The following PRKD3 variants were observed in gnomAD, a reference collection of about 807,000 sequenced individuals.
The protein encoded by PRKD3 is serine/threonine-protein kinase D3.
A neutral mutation model predicts 99.2 loss-of-function variants in PRKD3; 47 were observed. The observed-to-expected ratio is 0.47, with a 90% CI of 0.38 to 0.60. PRKD3 has a LOEUF of 0.60. Ranked by LOEUF, PRKD3 falls within the 20% of genes least tolerant of loss-of-function variation. PRKD3 has a pLI of 0.00. For missense variants in PRKD3, 1,019 were observed against 1,088.4 expected (o/e 0.94, Z 0.90); for synonymous variants, 392 against 355.4 (o/e 1.10, Z -1.16).
chr2:37,305,453 G>A (rs532242791), intron 2 of PRKD3, among the ~76,000 whole-genome samples: 12 of 152,274 alleles, frequency 7.9e-5, no homozygotes, highest in Non-Finnish European at 1.2e-4. Flanking sequence ...TATCTACTAT[G>A]TTCATTCAAC....
intron 17 of PRKD3, among the ~76,000 whole-genome samples, chr2:37,255,802 T>C (rs1042028008): frequency 7.2e-5 from 11 of 152,178 alleles, no homozygotes; most frequent in African/African-American, 2.4e-4. Flanking sequence ...GTGCAAGAGT[T>C]TGACACCAGC....
At chr2:37,321,188 C>T (rs1249175260) in intron 1 of PRKD3, among the ~76,000 whole-genome samples, 2 of 151,972 alleles carry the variant, frequency 1.3e-5, no homozygotes, top group Non-Finnish European at 2.9e-5. Flanking sequence ...AACAGGGGTA[C>T]GAGGCTCTAA....
Position 37,254,315 on chromosome 2 carries a change from C to G in PRKD3, c.2414-26G>C, listed in dbSNP as rs983714519. 3 of 1,587,074 alleles carry G rather than the reference C, an allele frequency of 1.9e-6. No individual in the cohort carries two copies. In the African/African-American group the frequency reaches 4.0e-5, roughly 21 times the overall value. ...CTAAGGGAAAAGACAAAACAAGATACATGAATTTGGGTGCACAGAGTACCC... is the reference window on the plus strand; with the variant it reads ...CTAAGGGAAAAGACAAAACAAGATAGATGAATTTGGGTGCACAGAGTACCC... On this transcript the variant is annotated intron_variant, in intron 17 of 18. Coordinates refer to ENST00000234179, the MANE Select transcript of PRKD3 (RefSeq NM_005813.6).
intron 8 of PRKD3, chr2:37,279,195 G>C (rs1470962528): frequency 6.6e-6 from 1 of 152,026 alleles, no homozygotes; most frequent in African/African-American, 2.4e-5. Context: ...TATCATTTAG[G>C]CTACAAAAAT....
In PRKD3 at chr2:37,324,789, G is replaced by GCCCCTTCCTCCCTCCCTCCCCGTCC. The variant is rs1672054960; in HGVS notation, c.-789_-765dup. The GCCCCTTCCTCCCTCCCTCCCCGTCC allele has an allele frequency of 2.7e-5, 4 of 150,876 alleles. No individual in the cohort carries two copies. The highest frequency in any genetic ancestry group is 4.4e-5 in the Non-Finnish European group (3 of 67,482). 9.3% of individuals were successfully genotyped at this position (150,876 alleles called of 1,614,324 possible). ...TCGCAGGATCCCGCCCGCCTCCGGC[G>GCCCCTTCCTCCCTCCCTCCCCGTCC]CCCCTTCCTCCCTCCCTCCCCGTCC... On this transcript the variant is annotated 5_prime_UTR_variant, in exon 1 of 19. Coordinates refer to ENST00000234179, the MANE Select transcript of PRKD3 (RefSeq NM_005813.6).
Position 37,253,087 on chromosome 2 carries a change from A to G in PRKD3, c.*90T>C, listed in dbSNP as rs1667643650. The G allele has an allele frequency of 7.8e-7, 1 of 1,282,426 alleles. No individual in the cohort carries two copies. Among genetic ancestry groups the G allele is most frequent in the East Asian group, 2.4e-5 (1 of 42,542 alleles). 79.4% of individuals were successfully genotyped at this position (1,282,426 alleles called of 1,614,324 possible). A position where few individuals can be genotyped will look rare whatever the true frequency, so the allele number is the denominator to read the frequency against. On this transcript the variant is annotated 3_prime_UTR_variant, in exon 19 of 19. Transcript: ENST00000234179. ...TCATATTTCTTCATATCTTTGCAGC[A>G]CTGCAGATGACAATCTACAAAGAAC...
chr2:37,314,425 C>G (rs1671573011), intron 2 of PRKD3, among the ~76,000 whole-genome samples: 1 of 152,160 alleles, frequency 6.6e-6, no homozygotes, highest in Non-Finnish European at 1.5e-5. Flanking sequence ...GATTTTTAAT[C>G]TGGTTCTCCA....
intron 2 of PRKD3, among the ~76,000 whole-genome samples, chr2:37,295,812 A>T (rs1670649629): frequency 6.6e-6 from 1 of 152,216 alleles, no homozygotes; most frequent in South Asian, 2.1e-4. Context: ...CAAGGCAGGA[A>T]CATGATTAAA....
chr2:37,255,901 C>T (rs1333298250), intron 17 of PRKD3, among the ~76,000 whole-genome samples: 1 of 152,034 alleles, frequency 6.6e-6, no homozygotes, highest in Non-Finnish European at 1.5e-5. Flanking sequence ...ATCATCCCAC[C>T]TAGTCAGGAG....
rs1297963410 is a variant in PRKD3, at chr2:37,277,983, T to C, written c.1179A>G (p.Ser393=). Residue 393 remains serine, a synonymous_variant, in exon 9 of 19, where the codon TCA becomes TCG. Transcript: ENST00000234179. ...DEEAVKTISP[S]TSNNIPLMRV... ...TCATTAGCGGAATATTATTGCTTGT[T>C]GATGGACTAAAAAATATTTAAAATT... The C allele has an allele frequency of 6.3e-7, 1 of 1,598,286 alleles. No homozygotes were observed. The highest frequency in any genetic ancestry group is 1.3e-5 in the African/African-American group (1 of 74,398).
At chr2:37,287,196 C>G (rs529782491) in intron 5 of PRKD3, among the ~76,000 whole-genome samples, 1 of 120,178 alleles carries the variant, frequency 8.3e-6, no homozygotes, top group East Asian at 2.8e-4. Flanking sequence ...TGCCATTGGA[C>G]TCCAGCCTGG....
At position 37,316,642 on chromosome 2, in the gene PRKD3, C is replaced by A; in HGVS notation, c.-118G>T. The A allele has an allele frequency of 6.8e-7, 1 of 1,472,684 alleles. No homozygotes were observed. Among genetic ancestry groups the A allele is most frequent in the Non-Finnish European group, 8.9e-7 (1 of 1,120,116 alleles). The allele number at this position is 1,472,684 out of a possible 1,614,324, so 91.2% of individuals were successfully genotyped here. The stretch of plus-strand genomic sequence containing the variant: ...CACTTTTGGATTTAGTTGAAAACTT[C>A]TTTATTTCCTCTGTTAAGCCACTCA... On this transcript the variant is annotated 5_prime_UTR_variant, in exon 2 of 19. Coordinates refer to ENST00000234179, the MANE Select transcript of PRKD3 (RefSeq NM_005813.6).
intron 1 of PRKD3, among the ~76,000 whole-genome samples, chr2:37,323,062 C>T (rs1254443726): frequency 2.0e-4 from 30 of 149,870 alleles, no homozygotes; most frequent in Admixed American, 1.9e-3. Flanking sequence ...GTTTTCAATT[C>T]GTAATTTAAA....
intron 2 of PRKD3, among the ~76,000 whole-genome samples, chr2:37,307,158 A>G (rs114676115): frequency 1.9e-3 from 283 of 152,310 alleles, no homozygotes; most frequent in Non-Finnish European, 3.0e-3. Flanking sequence ...GACATTGCCA[A>G]ATGTTCCCAG....
rs767660133 is a variant in PRKD3, at chr2:37,256,701, T to C, written c.2374A>G (p.Met792Val). 6.0e-6 allele frequency: 9 copies of C among 1,500,668 alleles called. No individual in the cohort carries two copies. Among genetic ancestry groups the C allele is most frequent in the Admixed American group, 3.6e-5 (2 of 55,276 alleles). 93.0% of individuals were successfully genotyped at this position (1,500,668 alleles called of 1,614,324 possible). A position where few individuals can be genotyped will look rare whatever the true frequency, so the allele number is the denominator to read the frequency against. ...TCTCTCCATGGATTTGGTGGGTACA[T>C]AAATGCAGCATTTTGGATTTGGTCA... ...INDQIQNAAFMYPPNPWREIS... is the reference protein window; with the variant it reads ...INDQIQNAAFVYPPNPWREIS... The change falls in exon 17 of 19, where the codon ATG becomes GTG. Residue 792 changes from methionine (M) to valine (V), a missense_variant. Coordinates refer to ENST00000234179, the MANE Select transcript of PRKD3 (RefSeq NM_005813.6).
intron 2 of PRKD3, among the ~76,000 whole-genome samples, chr2:37,302,174 A>G (rs1364522038): frequency 6.6e-6 from 1 of 152,228 alleles, no homozygotes; most frequent in Non-Finnish European, 1.5e-5. Context: ...AATTAAAGAA[A>G]TAACTAATGA....
At chr2:37,313,551 CTAAAAAGCATACCCAACTA>C (rs1303762910) in intron 2 of PRKD3, among the ~76,000 whole-genome samples, 1 of 152,096 alleles carries the variant, frequency 6.6e-6, no homozygotes, top group African/African-American at 2.4e-5. Flanking sequence ...CAGAGTGAAT[CTAAAAAGCATACCCAACTA>C]TTAATACATG....
chr2:37,254,514 G>T (rs1167331178), intron 17 of PRKD3, among the ~76,000 whole-genome samples: 1 of 152,156 alleles, frequency 6.6e-6, no homozygotes, highest in Non-Finnish European at 1.5e-5. Flanking sequence ...ATAGAGTACA[G>T]GTTAAAGTAT....
rs377289990 is a variant in PRKD3, at chr2:37,281,948, C to T, written c.988+594G>A. On this transcript the variant is annotated intron_variant, in intron 7 of 18. Coordinates refer to ENST00000234179, the MANE Select transcript of PRKD3 (RefSeq NM_005813.6). Reference sequence around the variant, plus strand: ...TATCTTGAAAAGAAAAAAAAAGACCCCAAAGGGAAAATGGACAACGATTAT... The same window carrying T: ...TATCTTGAAAAGAAAAAAAAAGACCTCAAAGGGAAAATGGACAACGATTAT... Among the ~76,000 whole-genome samples, 8 of 152,120 alleles carry T rather than the reference C, an allele frequency of 5.3e-5. No homozygotes were observed. The East Asian group carries it at 9.6e-4, about 18-fold the overall frequency.
Sources: allele counts gnomAD v4.1 joint callset (sites outside exome capture counted in the v4.1 genomes callset), GRCh38; gene constraint gnomAD v4.1.1; transcripts MANE v1.5; gene names NCBI Gene and HGNC (gene_info 2026-07-23, HGNC 2026-07-21).